GATA4: variants seen among roughly 807,000 people sequenced by gnomAD.
GATA4 encodes the protein GATA binding protein 4, also known as transcription factor GATA-4.
Under a neutral mutation model 37.9 loss-of-function variants are expected in GATA4, and 7 were observed. The observed-to-expected ratio is 0.18, with a 90% CI of 0.11 to 0.35. GATA4 has a LOEUF of 0.35. Ranked by LOEUF, GATA4 falls within the 10% of genes least tolerant of loss-of-function variation. The pLI, the probability that GATA4 is intolerant of heterozygous loss-of-function variation, is 1.00. For missense variants in GATA4, 647 were observed against 653.0 expected, an observed-to-expected ratio of 0.99 and a Z score of 0.10; for synonymous variants, 372 against 292.6, an observed-to-expected ratio of 1.27 and a Z score of -2.77.
upstream of GATA4, among the ~76,000 whole-genome samples, chr8:11,699,976 A>G (rs1307631969): frequency 6.6e-6 from 1 of 152,240 alleles, no homozygotes; most frequent in African/African-American, 2.4e-5. Flanking sequence ...AAAAAAAAGA[A>G]CTAAGATTCA....
chr8:11,681,461 G>C, intron 1 of GATA4: 1 of 981,810 alleles, frequency 1.0e-6, no homozygotes, highest in Non-Finnish European at 1.2e-6. Context: ...CGGAATCCGG[G>C]GCCCGGTCCC....
In GATA4 at chr8:11,709,507, G is replaced by A. The variant is rs901547249; in HGVS notation, c.616+579G>A. ...TGGACAAAGGAGACGCCGGGGAGATGCGCGGAACAGGAGCCGGCACTGTGC... is the reference window on the plus strand; with the variant it reads ...TGGACAAAGGAGACGCCGGGGAGATACGCGGAACAGGAGCCGGCACTGTGC... On this transcript the variant is annotated intron_variant, in intron 2 of 6. Coordinates refer to ENST00000532059, the MANE Select transcript of GATA4 (RefSeq NM_001308093.3). The surrounding 1 kb of genome is among the most constrained non-coding windows in gnomAD (Gnocchi z 4.3). 6.6e-6 allele frequency among the ~76,000 whole-genome samples: 1 copy of A among 151,238 alleles called. No individual in the cohort carries two copies. Among genetic ancestry groups the A allele is most frequent in the African/African-American group, 2.4e-5 (1 of 41,018 alleles).
At chr8:11,753,496 G>GAAA (rs34925763) in intron 4 of GATA4, among the ~76,000 whole-genome samples, 24 of 143,208 alleles carry the variant, frequency 1.7e-4, no homozygotes, top group Middle Eastern at 3.7e-3. Flanking sequence ...TACTGCAACT[G>GAAA]AAAAAAAAAA....
intron 2 of GATA4, among the ~76,000 whole-genome samples, chr8:11,710,799 A>G (rs916620490): frequency 6.6e-6 from 1 of 152,106 alleles, no homozygotes; most frequent in South Asian, 2.1e-4. Flanking sequence ...AGAGAAGTTA[A>G]AAGTCATGAG....
At chr8:11,727,420 T>C (rs1800980734) in intron 2 of GATA4, among the ~76,000 whole-genome samples, 1 of 152,130 alleles carries the variant, frequency 6.6e-6, no homozygotes, top group Non-Finnish European at 1.5e-5. Flanking sequence ...AGACCCTTTT[T>C]TCATTTGTTT....
chr8:11,753,496 GA>G (rs34925763), intron 4 of GATA4, among the ~76,000 whole-genome samples: 25 of 143,190 alleles, frequency 1.7e-4, no homozygotes, highest in Admixed American at 2.8e-4. Context: ...TACTGCAACT[GA>G]AAAAAAAAAA....
intron 4 of GATA4, among the ~76,000 whole-genome samples, chr8:11,752,174 G>C (rs188594202): frequency 6.6e-6 from 1 of 152,168 alleles, no homozygotes; most frequent in African/African-American, 2.4e-5. Flanking sequence ...AATATATGTA[G>C]CATGACCCCA....
rs948497872 is a variant in GATA4, at chr8:11,707,122, T to A, written c.-457-734T>A. Reference sequence around the variant, plus strand: ...CAGTGGGTTATTCTGTAGAGCGGCATTGTACATTCTTCTCACTTTTCTGGT... The same window carrying A: ...CAGTGGGTTATTCTGTAGAGCGGCAATGTACATTCTTCTCACTTTTCTGGT... On this transcript the variant is annotated intron_variant, in intron 1 of 6. Coordinates refer to ENST00000532059, the MANE Select transcript of GATA4 (RefSeq NM_001308093.3). The surrounding 1 kb of genome is among the most constrained non-coding windows in gnomAD (Gnocchi z 4.7). Among the ~76,000 whole-genome samples, 6 of 152,330 alleles carry A rather than the reference T, an allele frequency of 3.9e-5. No homozygotes were observed. The highest frequency in any genetic ancestry group is 3.9e-4 in the East Asian group (2 of 5,180).
At position 11,733,997 on chromosome 8, in the gene GATA4, C is replaced by G. The variant is rs149219217; in HGVS notation, c.617-14919C>G. On this transcript the variant is annotated intron_variant, in intron 2 of 6. Transcript: ENST00000532059. ...GAGGTTTTGCCTTCGGCCTGCATGT[C>G]CAATTGAAGCATACATATAGAATTT... Among the ~76,000 whole-genome samples, 191 of 152,316 alleles carry G rather than the reference C, an allele frequency of 1.3e-3. 14 individuals carry two copies. The highest frequency in any genetic ancestry group is 9.2e-4 in the Admixed American group (14 of 15,292).
chr8:11,681,120 C>T (rs1304891513), intron 1 of GATA4: 2 of 984,524 alleles, frequency 2.0e-6, no homozygotes, highest in Non-Finnish European at 2.4e-6. Flanking sequence ...GGTTCGTGGT[C>T]CGGAAAACCG....
chr8:11,737,266 G>C (rs570928869), intron 2 of GATA4, among the ~76,000 whole-genome samples: 47 of 152,204 alleles, frequency 3.1e-4, no homozygotes, highest in African/African-American at 1.1e-3. Context: ...GCAATAAAGA[G>C]GTCACATTAT....
chr8:11,735,951 C>T (rs1801433649), intron 2 of GATA4, among the ~76,000 whole-genome samples: 3 of 152,226 alleles, frequency 2.0e-5, no homozygotes, highest in Admixed American at 1.3e-4. Context: ...TGCTTTGTCA[C>T]CCAGGTTGGA....
Position 11,758,484 on chromosome 8 carries a change from C to T in GATA4, c.*9C>T, listed in dbSNP as rs185843389. The T allele has an allele frequency of 2.7e-4, 441 of 1,614,068 alleles. 3 individuals are homozygous for T. The African/African-American group carries it at 5.3e-3, about 19-fold the overall frequency. ...ACATAATCACTGCGTAATCTTCCCT[C>T]TTCCCTCCTCAAATTCCTGCACGGA... On this transcript the variant is annotated 3_prime_UTR_variant, in exon 7 of 7. Transcript: ENST00000532059.
chr8:11,681,108 A>G (rs1798956382), intron 1 of GATA4: 2 of 981,366 alleles, frequency 2.0e-6, no homozygotes, highest in Non-Finnish European at 2.4e-6. Context: ...CCAGGCTCGC[A>G]GGGTTCGTGG....
Position 11,709,584 on chromosome 8 carries a change from G to GA in GATA4, c.616+656_616+657insA, listed in dbSNP as rs1041409520. 6.6e-6 allele frequency among the ~76,000 whole-genome samples: 1 copy of GA among 151,980 alleles called. No individual in the cohort carries two copies. Among genetic ancestry groups the GA allele is most frequent in the Non-Finnish European group, 1.5e-5 (1 of 67,878 alleles). On this transcript the variant is annotated intron_variant, in intron 2 of 6. Transcript: ENST00000532059. This position sits in a 1 kb window ranked among gnomAD's most constrained non-coding sequence, Gnocchi z 4.3. ...CGCATCATGCGGGCAGCGGGGGGGG[G>GA]GGCGCACACGCCCGGTCAGTGTCCG...
chr8:11,690,067 G>A (rs948078077), upstream of GATA4, among the ~76,000 whole-genome samples: 1 of 152,178 alleles, frequency 6.6e-6, no homozygotes, highest in Non-Finnish European at 1.5e-5. Flanking sequence ...GCAATACCAG[G>A]GCTCCACATC....
At chr8:11,733,745 C>T (rs999075699) in intron 2 of GATA4, among the ~76,000 whole-genome samples, 4 of 152,326 alleles carry the variant, frequency 2.6e-5, no homozygotes, top group South Asian at 4.1e-4. Context: ...TATGATCCCA[C>T]GTGTGTTCAG....
intron 2 of GATA4, among the ~76,000 whole-genome samples, chr8:11,739,650 G>T (rs1801628128): frequency 6.7e-6 from 1 of 149,418 alleles, no homozygotes; most frequent in African/African-American, 2.5e-5. Context: ...CCCTGGGAGT[G>T]ACGCTGTCCC....
At chr8:11,755,500 A>G (rs567730164) in intron 5 of GATA4, among the ~76,000 whole-genome samples, 1 of 152,316 alleles carries the variant, frequency 6.6e-6, no homozygotes, top group African/African-American at 2.4e-5. Flanking sequence ...TCTTTGGGCT[A>G]ACGGGGATCC....
Sources: allele counts gnomAD v4.1 joint callset (sites outside exome capture counted in the v4.1 genomes callset), GRCh38; gene constraint gnomAD v4.1.1; non-coding constraint Gnocchi (gnomAD v3.1); transcripts MANE v1.5; gene names NCBI Gene and HGNC (gene_info 2026-07-23, HGNC 2026-07-21).